The following DTNB variants were observed in gnomAD, a reference collection of about 807,000 sequenced individuals.
The protein encoded by DTNB is dystrobrevin beta, also known as DTN-B.
DTNB carries 63 observed loss-of-function variants against 90.7 expected under a neutral mutation model. That is an observed-to-expected ratio of 0.69 (90% CI 0.57 to 0.86). The LOEUF (loss-of-function observed/expected upper bound fraction) is 0.86. DTNB is among the 40% of genes least tolerant of loss of function. The pLI is 0.00. For synonymous variants in DTNB, 277 were observed against 286.7 expected, an observed-to-expected ratio of 0.97 and a Z score of 0.34; for missense variants, 744 against 807.1, an observed-to-expected ratio of 0.92 and a Z score of 0.95.
At chr2:25,466,368 T>A (rs1242905354) in intron 10 of DTNB, among the ~76,000 whole-genome samples, 1 of 152,026 alleles carries the variant, frequency 6.6e-6, no homozygotes. Flanking sequence ...AGTACTTAAG[T>A]GTAAAGAGTT....
intron 11 of DTNB, among the ~76,000 whole-genome samples, chr2:25,454,370 A>G (rs1450456008): frequency 1.3e-5 from 2 of 152,212 alleles, no homozygotes; most frequent in African/African-American, 4.8e-5. Flanking sequence ...GACCCTCCCA[A>G]GGAGCCATGG....
At chr2:25,498,726 T>C (rs922294158) in intron 9 of DTNB, among the ~76,000 whole-genome samples, 16 of 150,770 alleles carry the variant, frequency 1.1e-4, no homozygotes, top group African/African-American at 3.9e-4. Context: ...TGCATTCTTG[T>C]GGTTCCAGCT....
intron 1 of DTNB, among the ~76,000 whole-genome samples, chr2:25,657,816 A>T (rs1016644110): frequency 2.0e-5 from 3 of 152,270 alleles, no homozygotes; most frequent in Admixed American, 6.5e-5. Flanking sequence ...TTACCAAAGA[A>T]GATACACAGA....
chr2:25,470,963 T>C (rs1372110226), intron 10 of DTNB, among the ~76,000 whole-genome samples: 1 of 152,128 alleles, frequency 6.6e-6, no homozygotes, highest in African/African-American at 2.4e-5. Flanking sequence ...ACACTCCCCA[T>C]CTGGATTATC....
intron 9 of DTNB, among the ~76,000 whole-genome samples, chr2:25,492,794 G>T (rs768129434): frequency 1.3e-5 from 2 of 152,064 alleles, no homozygotes; most frequent in African/African-American, 4.8e-5. Flanking sequence ...AGGCTGTAGT[G>T]AGCCGACATC....
chr2:25,478,299 G>C (rs935306958), intron 10 of DTNB, among the ~76,000 whole-genome samples: 2 of 152,148 alleles, frequency 1.3e-5, no homozygotes, highest in Non-Finnish European at 2.9e-5. Context: ...CCTGGACCTC[G>C]TCCCTTTCAC....
intron 2 of DTNB, among the ~76,000 whole-genome samples, chr2:25,640,490 C>T (rs2078019945): frequency 2.6e-5 from 4 of 152,252 alleles, no homozygotes; most frequent in African/African-American, 9.6e-5. Flanking sequence ...AATCAACCTT[C>T]CTCCTGATGT....
chr2:25,401,850 C>T (rs1036550734), intron 16 of DTNB, among the ~76,000 whole-genome samples: 1 of 152,224 alleles, frequency 6.6e-6, no homozygotes. Context: ...ATCTCCCTGA[C>T]TCATGGACAC....
chr2:25,477,334 T>C (rs1471676288), intron 10 of DTNB, among the ~76,000 whole-genome samples: 3 of 152,236 alleles, frequency 2.0e-5, no homozygotes, highest in Non-Finnish European at 4.4e-5. Flanking sequence ...CTCTGAGGTA[T>C]GCGTGTACTA....
At chr2:25,540,210 T>G (rs1463710649) in intron 8 of DTNB, among the ~76,000 whole-genome samples, 1 of 152,218 alleles carries the variant, frequency 6.6e-6, no homozygotes, top group Non-Finnish European at 1.5e-5. Context: ...TCATGGGAAC[T>G]GATCAAATCT....
rs1385102043 is a variant in DTNB at position 25,580,732 on chromosome 2, T to C, written c.698A>G (p.His233Arg). 6.2e-7 allele frequency: 1 copy of C among 1,613,374 alleles called. No individual in the cohort carries two copies. Among genetic ancestry groups the C allele is most frequent in the African/African-American group, 1.3e-5 (1 of 74,906 alleles). ...AAAGTTCTGCTTACCATTCTCAACA[T>C]GGGCAAGCCTGTGCATGAGAGGTAG... Reference protein sequence around the residue: ...VWLPLMHRLAHVENVFHPVEC... With the variant: ...VWLPLMHRLARVENVFHPVEC... Residue 233 changes from histidine to arginine, a missense_variant, in exon 7 of 21, where the codon CAT (histidine) becomes CGT (arginine). By Grantham distance (29) the His-to-Arg change is conservative. Coordinates refer to ENST00000406818, the MANE Select transcript of DTNB (RefSeq NM_021907.5).
chr2:25,633,692 C>A (rs1306630853), intron 3 of DTNB, among the ~76,000 whole-genome samples: 1 of 151,834 alleles, frequency 6.6e-6, no homozygotes. Flanking sequence ...CGTCTCTGCC[C>A]GGCCGCTATC....
intron 4 of DTNB, among the ~76,000 whole-genome samples, chr2:25,627,918 A>C (rs2074663397): frequency 6.6e-6 from 1 of 151,870 alleles, no homozygotes; most frequent in Non-Finnish European, 1.5e-5. Context: ...TTGTATTTTT[A>C]GTAGAGACGG....
intron 6 of DTNB, among the ~76,000 whole-genome samples, chr2:25,593,901 G>A (rs1573093254): frequency 6.6e-6 from 1 of 152,180 alleles, no homozygotes. Context: ...ATACCATTTT[G>A]CTTAAGAGTA....
chr2:25,526,435 AC>A (rs1411688436), intron 9 of DTNB, among the ~76,000 whole-genome samples: 8 of 135,686 alleles, frequency 5.9e-5, no homozygotes, highest in Admixed American at 4.8e-4. Context: ...CACCCTTGTC[AC>A]CCAGGGTGGA....
chr2:25,633,382 T>C (rs1001342696), intron 3 of DTNB, among the ~76,000 whole-genome samples: 1 of 152,118 alleles, frequency 6.6e-6, no homozygotes, highest in African/African-American at 2.4e-5. Context: ...GCCGGGCTGG[T>C]CTCCAGCTCC....
rs529047276 is a variant in DTNB at position 25,398,398 on chromosome 2, T to C, written c.1576-10037A>G. On this transcript the variant is annotated intron_variant, in intron 16 of 20. Coordinates refer to ENST00000406818, the MANE Select transcript of DTNB (RefSeq NM_021907.5). ...CCAGCCCTTGGCGTTAGGATCACAC[T>C]GGATGAAAATGAAGCCAGGACAGAG... is the stretch of plus-strand genomic sequence containing the variant. Among the ~76,000 whole-genome samples the C allele has an allele frequency of 7.2e-5, 11 of 152,348 alleles. No homozygotes were observed. The South Asian group carries it at 1.9e-3, about 26-fold the overall frequency.
chr2:25,441,269 C>T (rs562049232), intron 12 of DTNB, among the ~76,000 whole-genome samples: 1 of 152,222 alleles, frequency 6.6e-6, no homozygotes, highest in South Asian at 2.1e-4. Context: ...CAGAACAACC[C>T]GAGGAATGGA....
chr2:25,565,200 C>G (rs1048694780), intron 8 of DTNB, among the ~76,000 whole-genome samples: 1 of 152,076 alleles, frequency 6.6e-6, no homozygotes, highest in Non-Finnish European at 1.5e-5. Context: ...AGGGGAAAAG[C>G]TTTCAGTCTT....
Sources: gnomAD v4.1 joint callset for allele counts (sites outside exome capture counted in the v4.1 genomes callset) on GRCh38, gnomAD v4.1.1 for gene constraint, MANE v1.5 for transcripts, NCBI Gene and HGNC (gene_info 2026-07-23, HGNC 2026-07-21) for gene names.